Variants in FAM184A observed in about 807,000 individuals in gnomAD.
FAM184A encodes protein FAM184A.
A neutral mutation model predicts 143.8 loss-of-function variants in FAM184A; 99 were observed. That is an observed-to-expected ratio of 0.69 (90% CI 0.58 to 0.81). FAM184A has a LOEUF of 0.81. Ranked by LOEUF, FAM184A falls within the 40% of genes least tolerant of loss-of-function variation. The pLI, the probability that FAM184A is intolerant of heterozygous loss-of-function variation, is 0.00. For missense variants in FAM184A, 1,217 were observed against 1,310.5 expected (o/e 0.93, Z 1.10); for synonymous variants, 427 against 446.4 (o/e 0.96, Z 0.55).
chr6:119,034,035 T>G (rs1380711107), intron 1 of FAM184A, among the ~76,000 whole-genome samples: 15 of 34,266 alleles, frequency 4.4e-4, no homozygotes, highest in East Asian at 2.3e-3. Context: ...TATATATATA[T>G]ATATATAGAG....
intron 1 of FAM184A, among the ~76,000 whole-genome samples, chr6:119,122,510 G>A (rs974643072): frequency 6.6e-5 from 10 of 152,178 alleles, no homozygotes; most frequent in African/African-American, 2.4e-4. Flanking sequence ...AGGAATGTAT[G>A]CCAAGTAGAG....
intron 9 of FAM184A, among the ~76,000 whole-genome samples, chr6:118,989,945 C>T (rs1784322397): frequency 6.6e-6 from 1 of 152,080 alleles, no homozygotes; most frequent in African/African-American, 2.4e-5. Flanking sequence ...TCTCCTGCCT[C>T]AGCCTCCCGA....
intron 1 of FAM184A, among the ~76,000 whole-genome samples, chr6:119,097,096 G>T: frequency 6.6e-6 from 1 of 152,098 alleles, no homozygotes; most frequent in East Asian, 1.9e-4. Context: ...CTATCAGAAG[G>T]AATACTGGGG....
At chr6:119,138,730 A>G (rs1011727149) in intron 1 of FAM184A, among the ~76,000 whole-genome samples, 3 of 152,032 alleles carry the variant, frequency 2.0e-5, no homozygotes. Context: ...GGGTTCAAGC[A>G]ATTCTCCTGC....
intron 1 of FAM184A, among the ~76,000 whole-genome samples, chr6:119,111,638 G>A (rs1009754754): frequency 2.0e-5 from 3 of 152,206 alleles, no homozygotes; most frequent in Non-Finnish European, 4.4e-5. Context: ...AGTCTGTTGG[G>A]TTTCCCCATT....
At chr6:119,116,008 T>TAC (rs1554197676) in intron 1 of FAM184A, among the ~76,000 whole-genome samples, 6 of 88,856 alleles carry the variant, frequency 6.8e-5, no homozygotes, top group Non-Finnish European at 1.2e-4. Context: ...CACACACACA[T>TAC]ACACACACAC....
At position 119,066,879 on chromosome 6, in the gene FAM184A, C is replaced by A. The variant is rs186151223; in HGVS notation, c.159+11262G>T. ...CAACCAAATGTGCTATAGCCTCGAA[C>A]TGTATAAGATTTCAAGTTATCTTTA... On this transcript the variant is annotated intron_variant, in intron 1 of 17. Transcript: ENST00000338891. 2.6e-5 allele frequency among the ~76,000 whole-genome samples: 4 copies of A among 152,264 alleles called. No homozygotes were observed. The East Asian group carries it at 7.7e-4, about 29-fold the overall frequency.
rs866793919 is a variant in FAM184A, at chr6:119,147,044, C to T, written c.-202+2034G>A. Among the ~76,000 whole-genome samples the T allele has an allele frequency of 1.1e-4, 16 of 148,890 alleles. No homozygotes were observed. In the South Asian group the frequency reaches 2.2e-3, roughly 20 times the overall value. ...TAGTTAGAGGCACTAAGACATCCAG[C>T]GGGGGCAGTGGCAGGCTCTGTTTTT... On this transcript the variant is annotated intron_variant, in intron 1 of 16. Transcript: ENST00000352896.
chr6:119,051,036 T>C (rs1353596687), intron 1 of FAM184A, among the ~76,000 whole-genome samples: 1 of 152,148 alleles, frequency 6.6e-6, no homozygotes, highest in African/African-American at 2.4e-5. Context: ...AAAATAACTG[T>C]TGGGTACTAG....
In FAM184A at chr6:118,960,150, G is replaced by A; in HGVS notation, c.3376C>T (p.Pro1126Ser). The A allele has an allele frequency of 6.2e-7, 1 of 1,612,312 alleles. No homozygotes were observed. The highest frequency in any genetic ancestry group is 8.5e-7 in the Non-Finnish European group (1 of 1,179,436). The change falls in exon 18 of 18, where the codon CCA (proline) becomes TCA (serine). Residue 1126 changes from proline (P) to serine (S), a missense_variant. Physicochemically the swap from Pro to Ser is moderately conservative, Grantham distance 74 (BLOSUM62 -1). Coordinates refer to ENST00000338891, the MANE Select transcript of FAM184A (RefSeq NM_024581.6). ...AACCACTCCTGGCGCTGGGGATCTGGAGAAGCCACTGGAGAAGCTTCACTC... is the reference window on the plus strand; with the variant it reads ...AACCACTCCTGGCGCTGGGGATCTGAAGAAGCCACTGGAGAAGCTTCACTC... Reference protein sequence around the residue: ...AQSEASPVASPDPQRQEWFAR... With the variant: ...AQSEASPVASSDPQRQEWFAR...
chr6:119,097,986 G>A (rs559272786), intron 1 of FAM184A, among the ~76,000 whole-genome samples: 1 of 152,278 alleles, frequency 6.6e-6, no homozygotes, highest in African/African-American at 2.4e-5. Context: ...CAACCACACC[G>A]AGGTTTTGCA....
chr6:119,078,464 A>G lies in FAM184A; in HGVS notation c.-165T>C. 1 of 657,156 alleles carries G rather than the reference A, an allele frequency of 1.5e-6. No individual in the cohort carries two copies. Among genetic ancestry groups the G allele is most frequent in the Non-Finnish European group, 2.3e-6 (1 of 434,512 alleles). The allele number at this position is 657,156 out of a possible 1,614,324, so 40.7% of individuals were successfully genotyped here. ...CCGTCCCACCCGCGACCCCCGGGTC[A>G]CCCCTGGAAGGGACGGGGCGGTCCC... On this transcript the variant is annotated 5_prime_UTR_variant, in exon 1 of 18. Transcript: ENST00000338891. The surrounding 1 kb of genome is among the most constrained non-coding windows in gnomAD (Gnocchi z 5.5).
At chr6:119,055,740 C>G (rs1479826221) in intron 1 of FAM184A, among the ~76,000 whole-genome samples, 1 of 152,146 alleles carries the variant, frequency 6.6e-6, no homozygotes, top group Non-Finnish European at 1.5e-5. Context: ...TCACAACATA[C>G]TTTTTTAGCC....
At chr6:119,106,772 A>G (rs1788796934) in intron 1 of FAM184A, among the ~76,000 whole-genome samples, 1 of 152,254 alleles carries the variant, frequency 6.6e-6, no homozygotes, top group Non-Finnish European at 1.5e-5. Flanking sequence ...GTAACAAAGT[A>G]AAGTAATAAG....
At chr6:119,142,646 C>CT (rs1377886761) in intron 1 of FAM184A, among the ~76,000 whole-genome samples, 2 of 152,180 alleles carry the variant, frequency 1.3e-5, no homozygotes, top group Non-Finnish European at 2.9e-5. Context: ...ATGTCCATTA[C>CT]TCCTCTCCAG....
At chr6:119,116,004 C>CAT (rs1789050460) in intron 1 of FAM184A, among the ~76,000 whole-genome samples, 1 of 150,638 alleles carries the variant, frequency 6.6e-6, no homozygotes, top group African/African-American at 2.4e-5. Context: ...CACACACACA[C>CAT]ACATACACAC....
At chr6:119,005,364 T>C (rs549764197) in intron 7 of FAM184A, 1 of 152,256 alleles carries the variant, frequency 6.6e-6, no homozygotes, top group East Asian at 1.9e-4. Context: ...ACAGAATATA[T>C]CATAGATAAA....
At chr6:119,051,376 T>C (rs1418284510) in intron 1 of FAM184A, among the ~76,000 whole-genome samples, 2 of 152,152 alleles carry the variant, frequency 1.3e-5, no homozygotes, top group African/African-American at 4.8e-5. Context: ...TGATGGTTAC[T>C]AGAGGCTGGA....
At chr6:119,106,390 C>T (rs6569044) in intron 1 of FAM184A, among the ~76,000 whole-genome samples, 82,144 of 151,884 alleles carry the variant, frequency 0.54, 22,687 homozygotes, top group East Asian at 0.73. Flanking sequence ...GAGACTCCGT[C>T]TCAAAACAAA....
Sources: gnomAD v4.1 joint callset for allele counts (sites outside exome capture counted in the v4.1 genomes callset) on GRCh38, gnomAD v4.1.1 for gene constraint, Gnocchi (gnomAD v3.1) non-coding constraint, MANE v1.5 for transcripts, NCBI Gene and HGNC (gene_info 2026-07-23, HGNC 2026-07-21) for gene names.